The following RBFOX1 variants were observed in gnomAD, a reference collection of about 807,000 sequenced individuals.
RBFOX1 encodes the protein RNA binding protein fox-1 homolog 1.
RBFOX1 carries 8 observed loss-of-function variants against 57.7 expected under a neutral mutation model. The observed-to-expected ratio is 0.14, with a 90% CI of 0.08 to 0.25. The LOEUF is 0.25. Among genes scored for constraint, RBFOX1 ranks in the 10% least tolerant of loss-of-function variants. The pLI, the probability that RBFOX1 is intolerant of heterozygous loss-of-function variation, is 1.00. For missense variants in RBFOX1, 611 were observed against 548.5 expected, an observed-to-expected ratio of 1.11 and a Z score of -1.14; for synonymous variants, 326 against 222.4, an observed-to-expected ratio of 1.47 and a Z score of -4.15.
At chr16:6,535,333 A>G (rs1008262573) in intron 2 of RBFOX1, among the ~76,000 whole-genome samples, 1 of 152,174 alleles carries the variant, frequency 6.6e-6, no homozygotes, top group South Asian at 2.1e-4. Flanking sequence ...TTTACTTTGA[A>G]GCTCCTCTGG....
intron 1 of RBFOX1, among the ~76,000 whole-genome samples, chr16:5,382,994 A>G (rs1241712907): frequency 1.3e-5 from 2 of 152,236 alleles, no homozygotes; most frequent in Non-Finnish European, 2.9e-5. Context: ...TTAGCCATCA[A>G]GAATAAAGTG....
At chr16:7,217,059 C>CCCTCTCCTT (rs1567749038) in intron 4 of RBFOX1, among the ~76,000 whole-genome samples, 5 of 120,552 alleles carry the variant, frequency 4.1e-5, no homozygotes, top group African/African-American at 1.8e-4. Context: ...CTCCCTCTCT[C>CCCTCTCCTT]TCCCTCTCCT....
At chr16:7,021,507 T>A (rs979126181) in intron 3 of RBFOX1, among the ~76,000 whole-genome samples, 1 of 145,746 alleles carries the variant, frequency 6.9e-6, no homozygotes, top group South Asian at 2.1e-4. Context: ...TTTATATAAA[T>A]ATTATATTTT....
At chr16:6,408,342 G>A (rs2093354563) in intron 2 of RBFOX1, among the ~76,000 whole-genome samples, 1 of 152,040 alleles carries the variant, frequency 6.6e-6, no homozygotes, top group Non-Finnish European at 1.5e-5. Context: ...TGTGCAGGGG[G>A]GACTTTAATT....
chr16:5,349,409 C>G (rs1596609943), intron 1 of RBFOX1, among the ~76,000 whole-genome samples: 1 of 152,172 alleles, frequency 6.6e-6, no homozygotes, highest in Admixed American at 6.5e-5. Context: ...TACGGTGGCT[C>G]AAGCCTGTAA....
chr16:5,883,771 G>C (rs1264172411), intron 4 of RBFOX1, among the ~76,000 whole-genome samples: 1 of 152,112 alleles, frequency 6.6e-6, no homozygotes, highest in East Asian at 1.9e-4. Flanking sequence ...ACATTCCTGT[G>C]AGTAGATTTG....
intron 3 of RBFOX1, among the ~76,000 whole-genome samples, chr16:5,658,990 A>G (rs1056094563): frequency 6.6e-6 from 1 of 151,870 alleles, no homozygotes; most frequent in African/African-American, 2.4e-5. Context: ...TGCATGAGCA[A>G]TTATCTTTTT....
intron 2 of RBFOX1, among the ~76,000 whole-genome samples, chr16:6,542,302 C>G (rs1257566796): frequency 6.6e-6 from 1 of 151,900 alleles, no homozygotes; most frequent in Non-Finnish European, 1.5e-5. Flanking sequence ...TGTTTCTTTT[C>G]TCTTTCTTGA....
chr16:6,028,606 G>T (rs1186826749), intron 1 of RBFOX1, among the ~76,000 whole-genome samples: 1 of 151,824 alleles, frequency 6.6e-6, no homozygotes, highest in Non-Finnish European at 1.5e-5. Context: ...GCTTGGCTCT[G>T]GGAGTTTAAG....
At chr16:5,357,793 G>T (rs971815972) in intron 1 of RBFOX1, among the ~76,000 whole-genome samples, 25 of 152,212 alleles carry the variant, frequency 1.6e-4, no homozygotes, top group Middle Eastern at 3.4e-3. Flanking sequence ...GGGAATTTCT[G>T]TTTCTTACAA....
chr16:5,832,097 G>C (rs2056294813), intron 3 of RBFOX1, among the ~76,000 whole-genome samples: 1 of 152,218 alleles, frequency 6.6e-6, no homozygotes, highest in Non-Finnish European at 1.5e-5. Flanking sequence ...GCATAGCTGA[G>C]GGCTTAGGAG....
chr16:6,880,942 A>T (rs909729321), intron 3 of RBFOX1, among the ~76,000 whole-genome samples: 1 of 152,214 alleles, frequency 6.6e-6, no homozygotes, highest in Non-Finnish European at 1.5e-5. Context: ...ATGCTACATT[A>T]GGAGATTCAA....
At chr16:5,287,850 A>G (rs2063435780) in intron 1 of RBFOX1, among the ~76,000 whole-genome samples, 1 of 152,232 alleles carries the variant, frequency 6.6e-6, no homozygotes, top group Non-Finnish European at 1.5e-5. Flanking sequence ...AGTGGGAGGA[A>G]CTGCAGAGAC....
chr16:7,044,799 C>T (rs1300636127), intron 3 of RBFOX1, among the ~76,000 whole-genome samples: 1 of 152,144 alleles, frequency 6.6e-6, no homozygotes, highest in Non-Finnish European at 1.5e-5. Context: ...AATGCACAGG[C>T]AGGGTCTTTC....
chr16:5,609,926 C>T (rs11647931), intron 3 of RBFOX1, among the ~76,000 whole-genome samples: 146,040 of 152,050 alleles, frequency 0.96, 70,156 homozygotes, highest in East Asian at 1. Flanking sequence ...TACTCTTACC[C>T]TCTTTGAGTT....
chr16:6,534,362 C>G (rs746300428), intron 2 of RBFOX1, among the ~76,000 whole-genome samples: 1 of 152,056 alleles, frequency 6.6e-6, no homozygotes, highest in Admixed American at 6.6e-5. Flanking sequence ...TTTTATGAAG[C>G]TGACGAACAG....
chr16:5,912,671 A>T (rs779868239), intron 4 of RBFOX1, among the ~76,000 whole-genome samples: 13 of 152,206 alleles, frequency 8.5e-5, no homozygotes, highest in Non-Finnish European at 1.8e-4. Flanking sequence ...TGGGGTTTTT[A>T]AATCAGTGCA....
At chr16:7,673,766 C>A (rs1359795516) in intron 13 of RBFOX1, among the ~76,000 whole-genome samples, 1 of 152,174 alleles carries the variant, frequency 6.6e-6, no homozygotes, top group Non-Finnish European at 1.5e-5. Flanking sequence ...GCTGCCCATC[C>A]TGTGAAGAAA....
At chr16:6,312,768 C>A (rs2080529387) in intron 1 of RBFOX1, among the ~76,000 whole-genome samples, 1 of 151,262 alleles carries the variant, frequency 6.6e-6, no homozygotes, top group African/African-American at 2.4e-5. Context: ...CCGTCCCTCC[C>A]TGTTTCCCTA....
Sources: gnomAD v4.1 joint callset for allele counts (sites outside exome capture counted in the v4.1 genomes callset) on GRCh38, gnomAD v4.1.1 for gene constraint, MANE v1.5 for transcripts, NCBI Gene and HGNC (gene_info 2026-07-23, HGNC 2026-07-21) for gene names.